The following PEX10 variants were observed in gnomAD, a reference collection of about 807,000 sequenced individuals.
The protein encoded by PEX10 is peroxisomal biogenesis factor 10.
Under a neutral mutation model 38.0 loss-of-function variants are expected in PEX10, and 32 were observed. That is an observed-to-expected ratio of 0.84 (90% CI 0.63 to 1.13). PEX10 has a LOEUF of 1.13. PEX10 is among the 50% of genes most tolerant of loss of function. PEX10 has a pLI of 0.00. For missense variants in PEX10, 483 were observed against 457.7 expected, an observed-to-expected ratio of 1.06 and a Z score of -0.51; for synonymous variants, 206 against 207.3, an observed-to-expected ratio of 0.99 and a Z score of 0.05.
Position 2,408,798 on chromosome 1 carries a change from T to C in PEX10, c.254A>G (p.His85Arg), listed in dbSNP as rs775448187. The change falls in exon 3 of 6, where the codon CAT (histidine) becomes CGT (arginine). Residue 85 changes from histidine (H) to arginine (R), a missense_variant. His to Arg is a conservative substitution (Grantham distance 29, BLOSUM62 0). Transcript: ENST00000447513. Reference protein sequence around the residue: ...SIIQVDPSRIHVPSSLRRGVL... With the variant: ...SIIQVDPSRIRVPSSLRRGVL... ...GCCACGGCGCAGCGAGGAGGGCACA[T>C]GTATCCGCGATGGGTCCACCTGGAT... 4 of 1,614,040 alleles carry C rather than the reference T, an allele frequency of 2.5e-6. No individual in the cohort carries two copies. The highest frequency in any genetic ancestry group is 3.3e-5 in the Admixed American group (2 of 60,028).
intron 5 of PEX10, 52 bp from the exon 6 acceptor site, chr1:2,405,886 CAT>C: frequency 7.2e-7 from 1 of 1,387,258 alleles, no homozygotes; most frequent in Non-Finnish European, 1.0e-6. Context: ...GGGCCATGCC[CAT>C]CCCCATCGGC....
rs777291538 is a variant in PEX10, at chr1:2,405,473, G to A, written c.*293C>T. 13 of 547,032 alleles carry A rather than the reference G, an allele frequency of 2.4e-5. No individual in the cohort carries two copies. The highest frequency in any genetic ancestry group is 3.8e-5 in the African/African-American group (2 of 52,940). The allele number at this position is 547,032 out of a possible 1,614,324, so 33.9% of individuals were successfully genotyped here. Reference sequence around the variant, plus strand: ...CTTCTCAACTGTATGGTTTGGGGAAGGGAGGGAAACCTAAAATCCCGTCCA... The same window carrying A: ...CTTCTCAACTGTATGGTTTGGGGAAAGGAGGGAAACCTAAAATCCCGTCCA... On this transcript the variant is annotated 3_prime_UTR_variant, in exon 6 of 6. Transcript: ENST00000447513.
At chr1:2,408,890 G>A (rs1643098243) in intron 2 of PEX10, 32 bp from the exon 3 acceptor site, 3 of 1,610,846 alleles carry the variant, frequency 1.9e-6, no homozygotes, top group Non-Finnish European at 2.5e-6. Context: ...TGTGGACCCT[G>A]AGACTGCTGC....
At position 2,404,740 on chromosome 1, in the gene PEX10, T is replaced by G. The variant is rs1047971273; in HGVS notation, c.*1026A>C. On this transcript the variant is annotated 3_prime_UTR_variant, in exon 6 of 6. Coordinates refer to ENST00000447513, the MANE Select transcript of PEX10 (RefSeq NM_002617.4). ...GGTGTTTTACGTCAGCAGGGAAATG[T>G]GGCACACGCCCTCGAGGCATTTTAA... The G allele has an allele frequency of 2.0e-5, 3 of 152,322 alleles. No individual in the cohort carries two copies. The highest frequency in any genetic ancestry group is 4.4e-5 in the Non-Finnish European group (3 of 68,058). 9.4% of individuals were successfully genotyped at this position (152,322 alleles called of 1,614,324 possible). A position where few individuals can be genotyped will look rare whatever the true frequency, so the allele number is the denominator to read the frequency against.
intron 3 of PEX10, among the ~76,000 whole-genome samples, chr1:2,407,746 A>G (rs1428740341): frequency 6.6e-6 from 1 of 152,068 alleles, no homozygotes; most frequent in Non-Finnish European, 1.5e-5. Flanking sequence ...CCTGGCAAGT[A>G]GGGGCTGAGG....
chr1:2,405,549 G>C lies in PEX10; in HGVS notation c.*217C>G. ...GCTGAGTCCTACCAGGTTGGGGTTA[G>C]GGAAATGTTCTGGGTTCAGGCGCCC... On this transcript the variant is annotated 3_prime_UTR_variant, in exon 6 of 6. Coordinates refer to ENST00000447513, the MANE Select transcript of PEX10 (RefSeq NM_002617.4). 1.5e-6 allele frequency: 1 copy of C among 668,832 alleles called. No individual in the cohort carries two copies. The highest frequency in any genetic ancestry group is 1.6e-5 in the South Asian group (1 of 63,712). 41.4% of individuals were successfully genotyped at this position (668,832 alleles called of 1,614,324 possible).
rs1343351949 is a variant in PEX10, at chr1:2,410,396, G to A, written c.168C>T (p.Ala56=). 5.6e-6 allele frequency: 9 copies of A among 1,614,102 alleles called. No homozygotes were observed. The East Asian group carries it at 8.9e-5, about 16-fold the overall frequency. ...CTGCAAGTGTGGTGAGGCCAAAGTA[G>A]GCCACATCTGAGAGCAGCTCAACCT... ...RKEVELLSDV[A]YFGLTTLAGY... Residue 56 remains alanine (A), a synonymous_variant, in exon 2 of 6, where the codon GCC becomes GCT. Coordinates refer to ENST00000447513, the MANE Select transcript of PEX10 (RefSeq NM_002617.4). The surrounding 1 kb of genome is among the most constrained non-coding windows in gnomAD (Gnocchi z 5.1).
rs533977936 is a variant in PEX10 at position 2,408,538 on chromosome 1, C to T, written c.514G>A (p.Ala172Thr). 1.5e-5 allele frequency: 24 copies of T among 1,612,726 alleles called. No individual in the cohort carries two copies. Among genetic ancestry groups the T allele is most frequent in the Admixed American group, 3.3e-5 (2 of 60,028 alleles). ...GCAACATGTAGCCGCTGGAGGCAGG[C>T]GAGGCCCTGTCTGAGGACGAAGACC... ...RAVFVLRQGL[A>T]CLQRLHVAWF... The change falls in exon 3 of 6, where the codon GCC becomes ACC. Residue 172 changes from alanine (A) to threonine (T), a missense_variant. Transcript: ENST00000447513.
At chr1:2,411,578 C>A (rs1020701569) in intron 1 of PEX10, among the ~76,000 whole-genome samples, 2 of 148,668 alleles carry the variant, frequency 1.3e-5, no homozygotes, top group East Asian at 4.0e-4. Flanking sequence ...CTGGCCCCGT[C>A]GCCCAGGCTG....
chr1:2,407,858 T>A (rs903416022), intron 3 of PEX10, among the ~76,000 whole-genome samples: 1 of 152,044 alleles, frequency 6.6e-6, no homozygotes, highest in African/African-American at 2.4e-5. Context: ...GGACTAACGC[T>A]GTGGCAGGTG....
rs777938524 is a variant in PEX10, at chr1:2,412,452, C to T, written c.51G>A (p.Lys17=). The change falls in exon 1 of 6, where the codon AAG becomes AAA. Residue 17 remains lysine, a synonymous_variant. Coordinates refer to ENST00000447513, the MANE Select transcript of PEX10 (RefSeq NM_002617.4). ...GCAGCCCACCGCGGTAGTACTCGTCCTTCTGCGCCGCGCGGATCACCTCCG... is the reference window on the plus strand; with the variant it reads ...GCAGCCCACCGCGGTAGTACTCGTCTTTCTGCGCCGCGCGGATCACCTCCG... The part of the protein sequence containing the change: ...SPPEVIRAAQ[K]DEYYRGGLRS... The T allele has an allele frequency of 7.0e-6, 10 of 1,425,792 alleles. No homozygotes were observed. In the South Asian group the frequency reaches 7.1e-5, roughly 10 times the overall value. 88.3% of individuals were successfully genotyped at this position (1,425,792 alleles called of 1,614,324 possible).
intron 4 of PEX10, 34 bp downstream of exon 4, chr1:2,406,686 A>AC: frequency 1.2e-6 from 2 of 1,609,946 alleles, no homozygotes; most frequent in Non-Finnish European, 1.7e-6. Context: ...TGCCCAGGAC[A>AC]CCCCCAGCCC....
Position 2,406,598 on chromosome 1 carries a change from G to A in PEX10, c.798C>T (p.Ala266=), listed in dbSNP as rs746394182. The change falls in exon 5 of 6, where the codon GCC becomes GCT. Residue 266 remains alanine, a synonymous_variant. Transcript: ENST00000447513. ...GGGTGCACAGGGGGTTTCTGGAAAC[G>A]GCTCTCTCCTCCAAGGAGGCCCTGG... ...SHRRASLEER[A]VSRNPLCTLC... The A allele has an allele frequency of 5.6e-6, 9 of 1,613,346 alleles. No homozygotes were observed. The highest frequency in any genetic ancestry group is 1.3e-5 in the African/African-American group (1 of 74,938).
rs775560308 is a variant in PEX10 at position 2,406,848 on chromosome 1, G to A, written c.648C>T (p.Ser216=). Residue 216 remains serine, a synonymous_variant, in exon 4 of 6, where the codon AGC becomes AGT. Transcript: ENST00000447513. Reference sequence around the variant, plus strand: ...GTGAGATGACCCCCAGCAGCCTGTAGCTAACACGGGCCCTCAGGTCCTCTC... The same window carrying A: ...GTGAGATGACCCCCAGCAGCCTGTAACTAACACGGGCCCTCAGGTCCTCTC... The part of the protein sequence containing the change: ...LPGEDLRARV[S]YRLLGVISLL... 2.5e-6 allele frequency: 4 copies of A among 1,610,070 alleles called. No homozygotes were observed. Among genetic ancestry groups the A allele is most frequent in the African/African-American group, 1.3e-5 (1 of 75,022 alleles).
chr1:2,411,848 C>A (rs1355209619), intron 1 of PEX10, among the ~76,000 whole-genome samples: 1 of 152,236 alleles, frequency 6.6e-6, no homozygotes, highest in African/African-American at 2.4e-5. Flanking sequence ...GGCTTCTGTA[C>A]TCAGCTCCCG....
rs187143794 is a variant in PEX10 at position 2,409,518 on chromosome 1, C to A, written c.194-660G>T. On this transcript the variant is annotated intron_variant, in intron 2 of 5. Coordinates refer to ENST00000447513, the MANE Select transcript of PEX10 (RefSeq NM_002617.4). This position sits in a 1 kb window ranked among gnomAD's most constrained non-coding sequence, Gnocchi z 6.2. Reference sequence around the variant, plus strand: ...TCGCTGCCGCCCCTGCTCTGTACCACCACCATCCTGTGGGGGACTGTCACA... The same window carrying A: ...TCGCTGCCGCCCCTGCTCTGTACCAACACCATCCTGTGGGGGACTGTCACA... 1.3e-3 allele frequency among the ~76,000 whole-genome samples: 195 copies of A among 152,308 alleles called. 1 individual carries two copies. The Middle Eastern group carries it at 0.02, about 16-fold the overall frequency.
rs1423506048 is a variant in PEX10 at position 2,404,495 on chromosome 1, G to T, written c.*1271C>A. On this transcript the variant is annotated 3_prime_UTR_variant, in exon 6 of 6. Coordinates refer to ENST00000447513, the MANE Select transcript of PEX10 (RefSeq NM_002617.4). ...GTGAAGCAAAGGACTGGGTGCTGAT[G>T]GATGGAGCCACGGCGGCATCTGCCC... The T allele has an allele frequency of 6.6e-6, 1 of 152,280 alleles. No homozygotes were observed. 9.4% of individuals were successfully genotyped at this position (152,280 alleles called of 1,614,324 possible).
rs756544191 is a variant in PEX10 at position 2,406,659 on chromosome 1, T to TA, written c.777-41dup. ...GCAGAGCGTCAAGGTGGGTGCACCTTACAGGTCCTTGTGAAGTGCCCAGGA... is the reference window on the plus strand; with the variant it reads ...GCAGAGCGTCAAGGTGGGTGCACCTTAACAGGTCCTTGTGAAGTGCCCAGGA... On this transcript the variant is annotated intron_variant, in intron 4 of 5. Transcript: ENST00000447513. 6 of 1,612,244 alleles carry TA rather than the reference T, an allele frequency of 3.7e-6. No homozygotes were observed. In the Admixed American group the frequency reaches 1.0e-4, roughly 27 times the overall value.
chr1:2,409,541 A>C lies in PEX10; in HGVS notation c.194-683T>G. The C allele has an allele frequency of 6.1e-6, 1 of 165,076 alleles. No homozygotes were observed. 10.2% of individuals were successfully genotyped at this position (165,076 alleles called of 1,614,324 possible). A position where few individuals can be genotyped will look rare whatever the true frequency, so the allele number is the denominator to read the frequency against. On this transcript the variant is annotated intron_variant, in intron 2 of 5. Coordinates refer to ENST00000447513, the MANE Select transcript of PEX10 (RefSeq NM_002617.4). The surrounding 1 kb of genome is among the most constrained non-coding windows in gnomAD (Gnocchi z 6.2). ...CACCACCATCCTGTGGGGGACTGTC[A>C]CAGCCTCTGTAGTCTCCCTGAGCCC...
Sources: gnomAD v4.1 joint callset for allele counts (sites outside exome capture counted in the v4.1 genomes callset) on GRCh38, gnomAD v4.1.1 for gene constraint, Gnocchi (gnomAD v3.1) non-coding constraint, MANE v1.5 for transcripts, NCBI Gene and HGNC (gene_info 2026-07-23, HGNC 2026-07-21) for gene names.